Variants in PTPRD observed in about 807,000 individuals in gnomAD.
PTPRD encodes protein tyrosine phosphatase receptor type D.
Under a neutral mutation model 214.5 loss-of-function variants are expected in PTPRD, and 34 were observed. The observed-to-expected ratio is 0.16, with a 90% CI of 0.12 to 0.21. PTPRD has a LOEUF of 0.21. Ranked by LOEUF, PTPRD falls within the 10% of genes least tolerant of loss-of-function variation. The pLI, the probability that PTPRD is intolerant of heterozygous loss-of-function variation, is 1.00. For synonymous variants in PTPRD, 1,128 were observed against 845.7 expected, an observed-to-expected ratio of 1.33 and a Z score of -5.79; for missense variants, 2,545 against 2,398.7, an observed-to-expected ratio of 1.06 and a Z score of -1.27.
At chr9:10,404,526 G>A (rs1480753789) in intron 2 of PTPRD, among the ~76,000 whole-genome samples, 7 of 151,648 alleles carry the variant, frequency 4.6e-5, no homozygotes, top group Non-Finnish European at 8.8e-5. Context: ...CACAAATGAT[G>A]TTCATTTATA....
intron 11 of PTPRD, among the ~76,000 whole-genome samples, chr9:8,878,820 A>G (rs7847873): frequency 0.16 from 24,943 of 152,190 alleles, 2,596 homozygotes; most frequent in East Asian, 0.34. Context: ...AGCATAAGTT[A>G]TCACACCCAG....
At chr9:8,486,531 TAAA>T in intron 27 of PTPRD, 182 bp from the exon 28 acceptor site, 3 of 717,682 alleles carry the variant, frequency 4.2e-6, no homozygotes, top group Non-Finnish European at 7.6e-6. Context: ...CTTACTTTAT[TAAA>T]GTAGGCTGAG....
At chr9:9,079,960 C>G (rs1327829175) in intron 10 of PTPRD, among the ~76,000 whole-genome samples, 1 of 152,004 alleles carries the variant, frequency 6.6e-6, no homozygotes, top group Non-Finnish European at 1.5e-5. Flanking sequence ...GCACAGTATG[C>G]TTGATGAAGC....
At chr9:9,525,862 A>T (rs1367736188) in intron 8 of PTPRD, among the ~76,000 whole-genome samples, 1 of 151,694 alleles carries the variant, frequency 6.6e-6, no homozygotes. Context: ...ACACAACTTG[A>T]CTGCTTTACA....
intron 3 of PTPRD, among the ~76,000 whole-genome samples, chr9:10,322,561 T>A (rs1320781589): frequency 6.6e-6 from 1 of 152,098 alleles, no homozygotes; most frequent in Non-Finnish European, 1.5e-5. Flanking sequence ...ATTTTCTCCC[T>A]CAAACCTTAA....
At chr9:8,340,603 C>A in intron 41 of PTPRD, 134 bp from the exon 42 acceptor site, 1 of 876,658 alleles carries the variant, frequency 1.1e-6, no homozygotes, top group Non-Finnish European at 1.6e-6. Flanking sequence ...TAAATTCCTG[C>A]TAAGATTAAA....
At chr9:9,995,780 T>C (rs1039699877) in intron 4 of PTPRD, among the ~76,000 whole-genome samples, 1 of 152,204 alleles carries the variant, frequency 6.6e-6, no homozygotes, top group Non-Finnish European at 1.5e-5. Flanking sequence ...GCTATTTATT[T>C]GATACTTTTC....
intron 5 of PTPRD, among the ~76,000 whole-genome samples, chr9:9,921,680 C>A (rs2082580990): frequency 2.0e-5 from 3 of 148,374 alleles, no homozygotes; most frequent in East Asian, 2.0e-4. Flanking sequence ...CAGTAGGTAT[C>A]AATCTCTTTT....
chr9:10,511,169 T>A (rs2047889962), intron 2 of PTPRD, among the ~76,000 whole-genome samples: 1 of 152,192 alleles, frequency 6.6e-6, no homozygotes, highest in African/African-American at 2.4e-5. Context: ...ACTCATTTCA[T>A]AGTCGAAGTA....
intron 6 of PTPRD, among the ~76,000 whole-genome samples, chr9:9,740,632 G>A (rs530522213): frequency 6.6e-6 from 1 of 152,048 alleles, no homozygotes; most frequent in Non-Finnish European, 1.5e-5. Context: ...TCAAAGTGCT[G>A]GGATTACAGG....
At chr9:8,423,580 G>C (rs1479714316) in intron 35 of PTPRD, among the ~76,000 whole-genome samples, 1 of 152,112 alleles carries the variant, frequency 6.6e-6, no homozygotes, top group East Asian at 1.9e-4. Flanking sequence ...ATTGTGGTGA[G>C]CAAGTTTCCC....
intron 11 of PTPRD, among the ~76,000 whole-genome samples, chr9:8,747,510 A>C (rs1231534317): frequency 6.6e-6 from 1 of 152,100 alleles, no homozygotes; most frequent in Non-Finnish European, 1.5e-5. Context: ...AATAAAAAGG[A>C]ACCGCCAAGC....
At chr9:10,027,266 A>G (rs2096941781) in intron 4 of PTPRD, among the ~76,000 whole-genome samples, 1 of 152,220 alleles carries the variant, frequency 6.6e-6, no homozygotes, top group African/African-American at 2.4e-5. Flanking sequence ...TTTAGTGAAT[A>G]AATGGGAACT....
intron 5 of PTPRD, among the ~76,000 whole-genome samples, chr9:9,922,510 T>C (rs2082846593): frequency 6.6e-6 from 1 of 151,918 alleles, no homozygotes; most frequent in South Asian, 2.1e-4. Flanking sequence ...GGAAGCAAAA[T>C]TTCAGCATGA....
chr9:9,988,591 C>T (rs2095801777), intron 4 of PTPRD, among the ~76,000 whole-genome samples: 2 of 152,038 alleles, frequency 1.3e-5, no homozygotes, highest in East Asian at 1.9e-4. Context: ...ATCATTAGTG[C>T]TGAATTTTAA....
At chr9:8,320,348 A>G (rs1826116008) in intron 44 of PTPRD, among the ~76,000 whole-genome samples, 1 of 152,156 alleles carries the variant, frequency 6.6e-6, no homozygotes, top group Non-Finnish European at 1.5e-5. Context: ...ATAATTCAGA[A>G]TAAGGTGAAG....
At chr9:9,730,561 C>A (rs2098170651) in intron 7 of PTPRD, among the ~76,000 whole-genome samples, 4 of 152,050 alleles carry the variant, frequency 2.6e-5, no homozygotes, top group Admixed American at 2.0e-4. Flanking sequence ...AAGATAAAAT[C>A]TTGTTTTAAC....
Position 8,660,765 on chromosome 9 carries a change from T to G in PTPRD, c.65-23921A>C, listed in dbSNP as rs575558322. Reference sequence around the variant, plus strand: ...AAGCAAACCTCAAAGAAGTAAGGTTTTATATACAAGGACTCTTGACTTTCC... The same window carrying G: ...AAGCAAACCTCAAAGAAGTAAGGTTGTATATACAAGGACTCTTGACTTTCC... On this transcript the variant is annotated intron_variant, in intron 12 of 45. Transcript: ENST00000381196. Among the ~76,000 whole-genome samples, 16 of 152,286 alleles carry G rather than the reference T, an allele frequency of 1.1e-4. No individual in the cohort carries two copies. In the South Asian group the frequency reaches 3.3e-3, roughly 32 times the overall value.
rs527664700 is a variant in PTPRD, at chr9:9,099,902, C to T, written c.-142-81167G>A. 1.4e-4 allele frequency among the ~76,000 whole-genome samples: 22 copies of T among 152,164 alleles called. 1 individual carries two copies. In the South Asian group the frequency reaches 4.4e-3, roughly 30 times the overall value. ...TACACTGAAGGGTGAGGAAGCACTG[C>T]AGATTTGAAAAGTCTATATTTTAAG... On this transcript the variant is annotated intron_variant, in intron 10 of 45. Transcript: ENST00000381196.
Sources: allele counts gnomAD v4.1 joint callset (sites outside exome capture counted in the v4.1 genomes callset), GRCh38; gene constraint gnomAD v4.1.1; transcripts MANE v1.5; gene names NCBI Gene and HGNC (gene_info 2026-07-23, HGNC 2026-07-21).